AJAP1: variants seen among roughly 807,000 people sequenced by gnomAD.
AJAP1 encodes the protein adherens junction-associated protein 1.
AJAP1 carries 5 observed loss-of-function variants against 35.0 expected under a neutral mutation model. The ratio of observed to expected loss-of-function variants is 0.14; its 90% CI spans 0.07 to 0.30. The LOEUF (loss-of-function observed/expected upper bound fraction) is 0.30. Ranked by LOEUF, AJAP1 falls within the 10% of genes least tolerant of loss-of-function variation. The probability of loss-of-function intolerance (pLI) is 1.00; values close to 1 mark genes in which losing one functional copy is unlikely to be tolerated. For missense variants in AJAP1, 586 were observed against 571.0 expected (o/e 1.03, Z -0.27); for synonymous variants, 284 against 249.3 (o/e 1.14, Z -1.31).
chr1:4,670,706 T>C (rs1639231542), intron 1 of AJAP1, among the ~76,000 whole-genome samples: 1 of 152,230 alleles, frequency 6.6e-6, no homozygotes, highest in Non-Finnish European at 1.5e-5. Context: ...CCCAGCCTCA[T>C]TGGTCTCCAG....
intron 5 of AJAP1, 150 bp downstream of exon 5, chr1:4,774,708 G>GA (rs1641908501): frequency 1.7e-6 from 1 of 572,782 alleles, no homozygotes; most frequent in African/African-American, 1.9e-5. Context: ...TGAGCCGGCG[G>GA]GGGGGGCTGG....
At chr1:4,661,345 T>C (rs561642158) in intron 1 of AJAP1, among the ~76,000 whole-genome samples, 3 of 152,354 alleles carry the variant, frequency 2.0e-5, no homozygotes, top group African/African-American at 7.2e-5. Context: ...CCAACGGTGC[T>C]AAACTGTTCA....
intron 2 of AJAP1, among the ~76,000 whole-genome samples, chr1:4,744,014 T>C (rs1641131033): frequency 6.6e-6 from 1 of 152,212 alleles, no homozygotes; most frequent in Non-Finnish European, 1.5e-5. Flanking sequence ...AGCTGGGATC[T>C]CTGTGAACAG....
intron 1 of AJAP1, among the ~76,000 whole-genome samples, chr1:4,706,326 A>G (rs1640099724): frequency 6.6e-6 from 1 of 152,198 alleles, no homozygotes; most frequent in Non-Finnish European, 1.5e-5. Context: ...TTCTTCAACG[A>G]GGAGGCGGAG....
intron 2 of AJAP1, among the ~76,000 whole-genome samples, chr1:4,735,825 C>G (rs1640908912): frequency 6.6e-6 from 1 of 152,246 alleles, no homozygotes; most frequent in Admixed American, 6.5e-5. Flanking sequence ...ACCCCTGCCT[C>G]TGGCCTCGGA....
At chr1:4,664,748 C>T (rs1639079335) in intron 1 of AJAP1, among the ~76,000 whole-genome samples, 1 of 152,080 alleles carries the variant, frequency 6.6e-6, no homozygotes. Context: ...CCCGTAACCA[C>T]CCTACCAGGC....
chr1:4,753,387 G>A (rs969204166), intron 2 of AJAP1, among the ~76,000 whole-genome samples: 3 of 147,172 alleles, frequency 2.0e-5, no homozygotes, highest in Non-Finnish European at 4.4e-5. Context: ...TCCCAAGGCT[G>A]ATTGCACAGG....
rs946741030 is a variant in AJAP1 at position 4,791,725 on chromosome 1, A to T, written c.*9240A>T. 1.3e-5 allele frequency: 2 copies of T among 152,266 alleles called. No individual in the cohort carries two copies. The highest frequency in any genetic ancestry group is 4.8e-5 in the African/African-American group (2 of 41,476). 9.4% of individuals were successfully genotyped at this position (152,266 alleles called of 1,614,324 possible). A position where few individuals can be genotyped will look rare whatever the true frequency, so the allele number is the denominator to read the frequency against. ...GAATAAACAGGATACTCAGTGAAAC[A>T]TCCAAACTATTGACTGGATTTTTCC... is the stretch of plus-strand genomic sequence containing the variant. On this transcript the variant is annotated 3_prime_UTR_variant, in exon 6 of 6. Coordinates refer to ENST00000378191, the MANE Select transcript of AJAP1 (RefSeq NM_018836.4).
At chr1:4,756,778 C>T (rs902592966) in intron 2 of AJAP1, among the ~76,000 whole-genome samples, 3 of 152,188 alleles carry the variant, frequency 2.0e-5, no homozygotes, top group Non-Finnish European at 2.9e-5. Context: ...TTGTGACTCT[C>T]CAGGAGGGAA....
At chr1:4,754,466 G>A (rs1641384428) in intron 2 of AJAP1, among the ~76,000 whole-genome samples, 1 of 152,188 alleles carries the variant, frequency 6.6e-6, no homozygotes, top group South Asian at 2.1e-4. Context: ...TGGAGAGAAA[G>A]TGAGTTTCCA....
At chr1:4,748,182 C>T (rs369980208) in intron 2 of AJAP1, among the ~76,000 whole-genome samples, 3 of 152,110 alleles carry the variant, frequency 2.0e-5, no homozygotes, top group East Asian at 1.9e-4. Flanking sequence ...CTCCCCTCCC[C>T]GTCCATCAGC....
intron 1 of AJAP1, among the ~76,000 whole-genome samples, chr1:4,689,365 T>C (rs914406491): frequency 6.6e-6 from 1 of 152,232 alleles, no homozygotes. Flanking sequence ...TTCTGATTTA[T>C]TGGCAAGGAG....
At chr1:4,742,844 T>C (rs527990608) in intron 2 of AJAP1, among the ~76,000 whole-genome samples, 1 of 152,334 alleles carries the variant, frequency 6.6e-6, no homozygotes, top group East Asian at 1.9e-4. Flanking sequence ...CAGAGGTTGC[T>C]GCACTATGAA....
intron 1 of AJAP1, among the ~76,000 whole-genome samples, chr1:4,690,133 G>T (rs1053014048): frequency 6.6e-6 from 1 of 152,126 alleles, no homozygotes; most frequent in Non-Finnish European, 1.5e-5. Flanking sequence ...AGCATGGGGC[G>T]ACACCAGTGC....
At chr1:4,722,796 C>G (rs1046593209) in intron 2 of AJAP1, among the ~76,000 whole-genome samples, 1 of 152,184 alleles carries the variant, frequency 6.6e-6, no homozygotes, top group African/African-American at 2.4e-5. Context: ...TTAGGGCCCA[C>G]CTGGATCACC....
intron 2 of AJAP1, among the ~76,000 whole-genome samples, chr1:4,746,420 G>A (rs1205849353): frequency 1.3e-5 from 2 of 152,126 alleles, no homozygotes; most frequent in African/African-American, 4.8e-5. Flanking sequence ...ATATCTTTTG[G>A]GGGAGGGAGC....
chr1:4,747,439 C>G lies in AJAP1; in HGVS notation c.830-22414C>G, dbSNP rs114919444. 3.7e-3 allele frequency among the ~76,000 whole-genome samples: 567 copies of G among 152,308 alleles called. 4 individuals carry two copies. Among genetic ancestry groups the G allele is most frequent in the African/African-American group, 0.013 (541 of 41,568 alleles). ...GGTTGGCCAGGGCCTCCTCCTCCTC[C>G]TTGGGCTTTCAGGCCTTTAGGCTTC... On this transcript the variant is annotated intron_variant, in intron 2 of 5. Coordinates refer to ENST00000378191, the MANE Select transcript of AJAP1 (RefSeq NM_018836.4).
At chr1:4,726,636 G>T (rs944925613) in intron 2 of AJAP1, among the ~76,000 whole-genome samples, 2 of 152,118 alleles carry the variant, frequency 1.3e-5, no homozygotes, top group African/African-American at 4.8e-5. Context: ...GGAGTCACCT[G>T]GGGAATTGGT....
intron 3 of AJAP1, among the ~76,000 whole-genome samples, chr1:4,771,147 A>G (rs1641825531): frequency 6.6e-6 from 1 of 152,186 alleles, no homozygotes; most frequent in Non-Finnish European, 1.5e-5. Flanking sequence ...ACTCGAGCTT[A>G]TAGCAGACCT....
Sources: allele counts gnomAD v4.1 joint callset (sites outside exome capture counted in the v4.1 genomes callset), GRCh38; gene constraint gnomAD v4.1.1; transcripts MANE v1.5; gene names NCBI Gene and HGNC (gene_info 2026-07-23, HGNC 2026-07-21).